NDFIP1: variants seen among roughly 807,000 people sequenced by gnomAD.
The protein encoded by NDFIP1 is NEDD4 family-interacting protein 1.
NDFIP1 carries 7 observed loss-of-function variants against 28.8 expected under a neutral mutation model. That is an observed-to-expected ratio of 0.24 (90% confidence interval 0.14 to 0.46). NDFIP1 has a LOEUF of 0.46. Ranked by LOEUF, NDFIP1 falls within the 20% of genes least tolerant of loss-of-function variation. The pLI, the probability that NDFIP1 is intolerant of heterozygous loss-of-function variation, is 0.99. For synonymous variants in NDFIP1, 92 were observed against 101.0 expected (o/e 0.91, Z 0.53); for missense variants, 194 against 269.1 (o/e 0.72, Z 1.95).
intron 7 of NDFIP1, among the ~76,000 whole-genome samples, chr5:142,144,892 T>C (rs1190304146): frequency 6.6e-6 from 1 of 152,336 alleles, no homozygotes; most frequent in African/African-American, 2.4e-5. Flanking sequence ...GGAGAAATCA[T>C]TACTTCATGC....
intron 1 of NDFIP1, among the ~76,000 whole-genome samples, chr5:142,128,582 C>T (rs1215607888): frequency 6.6e-6 from 1 of 152,132 alleles, no homozygotes; most frequent in Non-Finnish European, 1.5e-5. Context: ...GATTGCCTCT[C>T]CCCGCGATCC....
chr5:142,131,083 T>C (rs899766440), intron 1 of NDFIP1, among the ~76,000 whole-genome samples: 2 of 145,594 alleles, frequency 1.4e-5, no homozygotes, highest in African/African-American at 2.6e-5. Flanking sequence ...GCCTCCTGAG[T>C]AGCTAGAACC....
intron 7 of NDFIP1, among the ~76,000 whole-genome samples, chr5:142,147,523 G>T (rs1757401457): frequency 6.6e-6 from 1 of 152,124 alleles, no homozygotes; most frequent in African/African-American, 2.4e-5. Context: ...TATTTGTATT[G>T]ATGGATTTTT....
At chr5:142,111,277 A>G (rs371042481) in intron 1 of NDFIP1, among the ~76,000 whole-genome samples, 2 of 151,428 alleles carry the variant, frequency 1.3e-5, no homozygotes, top group Non-Finnish European at 2.9e-5. Context: ...TCATAATTCT[A>G]TTTTGTAATG....
chr5:142,144,788 A>G, intron 7 of NDFIP1, 112 bp downstream of exon 7: 1 of 621,854 alleles, frequency 1.6e-6, no homozygotes, highest in Non-Finnish European at 2.8e-6. Context: ...GAAAGTAAAG[A>G]AGGCACAGTC....
At position 142,152,486 on chromosome 5, in the gene NDFIP1, A is replaced by C. The variant is rs1757456814; in HGVS notation, c.*758A>C. ...ACTCTTTCTATAATTAGCGTTCTTC[A>C]CCCCCACCCCCACCCCCACCCCCCT... On this transcript the variant is annotated 3_prime_UTR_variant, in exon 8 of 8. Coordinates refer to ENST00000253814, the MANE Select transcript of NDFIP1 (RefSeq NM_030571.4). The C allele has an allele frequency of 7.5e-6, 1 of 133,862 alleles. No homozygotes were observed. Among genetic ancestry groups the C allele is most frequent in the Non-Finnish European group, 1.6e-5 (1 of 61,466 alleles). 8.3% of individuals were successfully genotyped at this position (133,862 alleles called of 1,614,324 possible). A position where few individuals can be genotyped will look rare whatever the true frequency, so the allele number is the denominator to read the frequency against.
chr5:142,146,740 G>A (rs1176218815), intron 7 of NDFIP1, among the ~76,000 whole-genome samples: 1 of 152,032 alleles, frequency 6.6e-6, no homozygotes, highest in African/African-American at 2.4e-5. Context: ...TCTTTATTAG[G>A]GGATTGCATA....
rs1757469595 is a variant in NDFIP1 at position 142,153,609 on chromosome 5, T to G, written c.*1881T>G. On this transcript the variant is annotated 3_prime_UTR_variant, in exon 8 of 8. Transcript: ENST00000253814. ...AGTTTTATGGAAGTTTCTTTGAAGATTTTTTTTTTTCCATTTCGAATCAGA... is the reference window on the plus strand; with the variant it reads ...AGTTTTATGGAAGTTTCTTTGAAGAGTTTTTTTTTTCCATTTCGAATCAGA... The G allele has an allele frequency of 6.7e-6, 1 of 149,366 alleles. No individual in the cohort carries two copies. The highest frequency in any genetic ancestry group is 1.2e-4 in the South Asian group (1 of 8,646). The allele number at this position is 149,366 out of a possible 1,614,324, so 9.3% of individuals were successfully genotyped here.
chr5:142,141,963 G>T (rs138866834), intron 6 of NDFIP1, among the ~76,000 whole-genome samples: 1 of 152,018 alleles, frequency 6.6e-6, no homozygotes, highest in African/African-American at 2.4e-5. Flanking sequence ...GCAAGACCTC[G>T]TCTCTACAAA....
intron 1 of NDFIP1, among the ~76,000 whole-genome samples, chr5:142,111,674 TC>T (rs1223114312): frequency 6.6e-6 from 1 of 152,228 alleles, no homozygotes; most frequent in Admixed American, 6.5e-5. Flanking sequence ...ACTGTATGAT[TC>T]ATTCATAAAT....
At chr5:142,146,630 A>G (rs1757392244) in intron 7 of NDFIP1, among the ~76,000 whole-genome samples, 1 of 152,192 alleles carries the variant, frequency 6.6e-6, no homozygotes, top group Admixed American at 6.5e-5. Context: ...AAAGTCATCA[A>G]TTCTGTAGGT....
chr5:142,121,806 G>T (rs1339269997), intron 1 of NDFIP1, among the ~76,000 whole-genome samples: 1 of 152,186 alleles, frequency 6.6e-6, no homozygotes, highest in Non-Finnish European at 1.5e-5. Context: ...ATGCGAACTG[G>T]TAAGTTAAAA....
intron 3 of NDFIP1, among the ~76,000 whole-genome samples, chr5:142,133,827 A>T (rs576059008): frequency 3.2e-4 from 48 of 152,328 alleles, no homozygotes; most frequent in South Asian, 2.7e-3. Context: ...CTAAAATCCA[A>T]CTAGGGTAAA....
Position 142,108,823 on chromosome 5 carries a change from C to T in NDFIP1, c.-152C>T, listed in dbSNP as rs1756979077. On this transcript the variant is annotated 5_prime_UTR_variant, in exon 1 of 8. Coordinates refer to ENST00000253814, the MANE Select transcript of NDFIP1 (RefSeq NM_030571.4). ...CGGCGGCGGCGGCGGTGCTTACAGCCTGAGAAGAGCGTCTCGCCCGGGAGC... is the reference window on the plus strand; with the variant it reads ...CGGCGGCGGCGGCGGTGCTTACAGCTTGAGAAGAGCGTCTCGCCCGGGAGC... The T allele has an allele frequency of 1.7e-6, 1 of 573,986 alleles. No individual in the cohort carries two copies. Among genetic ancestry groups the T allele is most frequent in the Non-Finnish European group, 2.7e-6 (1 of 370,530 alleles). The allele number at this position is 573,986 out of a possible 1,614,324, so 35.6% of individuals were successfully genotyped here. A position where few individuals can be genotyped will look rare whatever the true frequency, so the allele number is the denominator to read the frequency against.
chr5:142,150,554 T>C (rs917402639), intron 7 of NDFIP1, among the ~76,000 whole-genome samples: 1 of 151,932 alleles, frequency 6.6e-6, no homozygotes, highest in Non-Finnish European at 1.5e-5. Flanking sequence ...TACGCAGTAA[T>C]CTAATCAGAA....
chr5:142,136,713 C>T (rs113685098), intron 4 of NDFIP1, among the ~76,000 whole-genome samples: 1 of 134,950 alleles, frequency 7.4e-6, no homozygotes, highest in African/African-American at 2.8e-5. Context: ...TGAGATCGCA[C>T]CATTGCACTC....
intron 1 of NDFIP1, among the ~76,000 whole-genome samples, chr5:142,130,938 C>A (rs1383611630): frequency 6.6e-6 from 1 of 151,816 alleles, no homozygotes; most frequent in Non-Finnish European, 1.5e-5. Context: ...CTGTAAATAT[C>A]TATTTGAGTA....
At chr5:142,115,014 A>T (rs1172135219) in intron 1 of NDFIP1, among the ~76,000 whole-genome samples, 1 of 152,246 alleles carries the variant, frequency 6.6e-6, no homozygotes, top group Non-Finnish European at 1.5e-5. Flanking sequence ...CTCTAAGCTG[A>T]TGCCACCAGT....
intron 1 of NDFIP1, among the ~76,000 whole-genome samples, chr5:142,110,336 TAA>T: frequency 6.6e-6 from 1 of 152,314 alleles, no homozygotes; most frequent in East Asian, 1.9e-4. Context: ...ACTGCTTTAA[TAA>T]AATGGGAATA....
Sources: gnomAD v4.1 joint callset for allele counts (sites outside exome capture counted in the v4.1 genomes callset) on GRCh38, gnomAD v4.1.1 for gene constraint, MANE v1.5 for transcripts, NCBI Gene and HGNC (gene_info 2026-07-23, HGNC 2026-07-21) for gene names.